The following PBX3 variants were observed in gnomAD, a reference collection of about 807,000 sequenced individuals.
PBX3 encodes pre-B-cell leukemia transcription factor 3.
Under a neutral mutation model 48.5 loss-of-function variants are expected in PBX3, and 14 were observed. That is an observed-to-expected ratio of 0.29 (90% CI 0.19 to 0.45). PBX3 has a LOEUF of 0.45. Among genes scored for constraint, PBX3 ranks in the 20% least tolerant of loss-of-function variants. PBX3 has a pLI of 1.00. For missense variants in PBX3, 386 were observed against 546.7 expected (o/e 0.71, Z 2.93); for synonymous variants, 210 against 200.3 (o/e 1.05, Z -0.41).
chr9:125,867,750 C>CTA (rs780156369), intron 2 of PBX3, among the ~76,000 whole-genome samples: 2 of 151,314 alleles, frequency 1.3e-5, no homozygotes, highest in South Asian at 2.1e-4. Context: ...CTCTCTCTCT[C>CTA]TCTATATATA....
intron 2 of PBX3, among the ~76,000 whole-genome samples, chr9:125,848,459 T>A (rs1429213398): frequency 1.3e-5 from 2 of 152,050 alleles, no homozygotes; most frequent in Non-Finnish European, 2.9e-5. Context: ...CTACTTCCTT[T>A]TTTCTCCCTC....
intron 2 of PBX3, among the ~76,000 whole-genome samples, chr9:125,899,336 CAT>C (rs1564163400): frequency 2.2e-5 from 2 of 89,754 alleles, no homozygotes; most frequent in African/African-American, 9.3e-5. Flanking sequence ...TAAATATATA[CAT>C]ATATGTATAT....
intron 2 of PBX3, among the ~76,000 whole-genome samples, chr9:125,811,534 CCCTG>C (rs1337256547): frequency 3.9e-5 from 6 of 152,158 alleles, no homozygotes; most frequent in African/African-American, 1.4e-4. Flanking sequence ...TGTCTTGCTT[CCCTG>C]TGAAGAGGTT....
chr9:125,820,440 CT>C (rs2132157043), intron 2 of PBX3, among the ~76,000 whole-genome samples: 1 of 152,336 alleles, frequency 6.6e-6, no homozygotes, highest in South Asian at 2.1e-4. Context: ...CGCTCCCTCA[CT>C]AATAAACCTG....
intron 2 of PBX3, among the ~76,000 whole-genome samples, chr9:125,777,238 C>A (rs1277218028): frequency 6.6e-6 from 1 of 151,802 alleles, no homozygotes; most frequent in Non-Finnish European, 1.5e-5. Flanking sequence ...GGTTTGAACT[C>A]CTGAGCTCAG....
chr9:125,927,963 C>G (rs1296059325), intron 3 of PBX3, among the ~76,000 whole-genome samples: 1 of 151,946 alleles, frequency 6.6e-6, no homozygotes, highest in African/African-American at 2.4e-5. Context: ...GGTGGATTGT[C>G]TGAACTCAGG....
chr9:125,891,577 C>G (rs1840643368), intron 2 of PBX3, among the ~76,000 whole-genome samples: 1 of 152,196 alleles, frequency 6.6e-6, no homozygotes, highest in Non-Finnish European at 1.5e-5. Context: ...TTAATTTTTT[C>G]TCCTACTACG....
chr9:125,880,935 T>C (rs945732121), intron 2 of PBX3, among the ~76,000 whole-genome samples: 1 of 152,248 alleles, frequency 6.6e-6, no homozygotes, highest in African/African-American at 2.4e-5. Context: ...AACAGAGTTA[T>C]GCTTTCTTGA....
chr9:125,829,154 G>T (rs1838888292), intron 2 of PBX3, among the ~76,000 whole-genome samples: 1 of 152,128 alleles, frequency 6.6e-6, no homozygotes, highest in Non-Finnish European at 1.5e-5. Context: ...TGTTAAAGAC[G>T]ATTCGTTGCA....
chr9:125,761,184 A>G (rs1009326027), intron 2 of PBX3, among the ~76,000 whole-genome samples: 1 of 152,022 alleles, frequency 6.6e-6, no homozygotes, highest in South Asian at 2.1e-4. Flanking sequence ...AGTGTATTCT[A>G]TAGACATCTA....
intron 2 of PBX3, among the ~76,000 whole-genome samples, chr9:125,784,325 C>T (rs530470602): frequency 7.1e-4 from 108 of 152,176 alleles, no homozygotes; most frequent in African/African-American, 2.6e-3. Context: ...GACGGGGTTT[C>T]GCCATGTTGG....
chr9:125,808,329 G>A (rs1427239494), intron 2 of PBX3, among the ~76,000 whole-genome samples: 1 of 151,790 alleles, frequency 6.6e-6, no homozygotes, highest in Admixed American at 6.6e-5. Flanking sequence ...TTTTCTTTCC[G>A]GTACTTTAAA....
chr9:125,956,080 A>G (rs1252330812), intron 5 of PBX3, among the ~76,000 whole-genome samples: 1 of 152,214 alleles, frequency 6.6e-6, no homozygotes, highest in Non-Finnish European at 1.5e-5. Flanking sequence ...ATAAAACATG[A>G]GTGATAGTAA....
chr9:125,872,345 C>T (rs535962397), intron 2 of PBX3, among the ~76,000 whole-genome samples: 1 of 152,162 alleles, frequency 6.6e-6, no homozygotes, highest in Admixed American at 6.5e-5. Flanking sequence ...CAAATAACAA[C>T]ATAAACCTGA....
intron 2 of PBX3, among the ~76,000 whole-genome samples, chr9:125,758,883 A>G (rs1836589606): frequency 6.6e-6 from 1 of 152,216 alleles, no homozygotes; most frequent in Admixed American, 6.5e-5. Context: ...GAAAAATAAT[A>G]TAATGCTGAT....
At chr9:125,761,722 C>G (rs1355062637) in intron 2 of PBX3, among the ~76,000 whole-genome samples, 1 of 152,028 alleles carries the variant, frequency 6.6e-6, no homozygotes, top group East Asian at 1.9e-4. Context: ...AGGAAACTTG[C>G]TAAGTAAATA....
chr9:125,749,493 C>G (rs1033713316), intron 2 of PBX3: 1 of 151,356 alleles, frequency 6.6e-6, no homozygotes, highest in Admixed American at 6.6e-5. Context: ...GCATTATCTT[C>G]CCTGTATGTG....
At position 125,965,950 on chromosome 9, in the gene PBX3, A is replaced by G. The variant is rs762869666; in HGVS notation, c.*27A>G. The G allele has an allele frequency of 3.2e-6, 5 of 1,551,498 alleles. No homozygotes were observed. The highest frequency in any genetic ancestry group is 1.4e-5 in the African/African-American group (1 of 73,722). On this transcript the variant is annotated 3_prime_UTR_variant, in exon 9 of 9. Coordinates refer to ENST00000373489, the MANE Select transcript of PBX3 (RefSeq NM_006195.6). Reference sequence around the variant, plus strand: ...CTCTGGCCACACTTTTCCCTGAGCTACATGCCTTGATAAGTGCATTCAGAG... The same window carrying G: ...CTCTGGCCACACTTTTCCCTGAGCTGCATGCCTTGATAAGTGCATTCAGAG...
intron 3 of PBX3, among the ~76,000 whole-genome samples, chr9:125,927,183 C>G (rs1841596909): frequency 6.6e-6 from 1 of 152,180 alleles, no homozygotes; most frequent in African/African-American, 2.4e-5. Context: ...ATAACTCTCA[C>G]TCTTGAATTG....
Sources: gnomAD v4.1 joint callset for allele counts (sites outside exome capture counted in the v4.1 genomes callset) on GRCh38, gnomAD v4.1.1 for gene constraint, MANE v1.5 for transcripts, NCBI Gene and HGNC (gene_info 2026-07-23, HGNC 2026-07-21) for gene names.